The following MACROD2 variants were observed in gnomAD, a reference collection of about 807,000 sequenced individuals.
MACROD2 encodes the protein ADP-ribose glycohydrolase MACROD2.
MACROD2 carries 36 observed loss-of-function variants against 70.4 expected under a neutral mutation model. The observed-to-expected ratio is 0.51, with a 90% CI of 0.39 to 0.68. The LOEUF is 0.68. Among genes scored for constraint, MACROD2 ranks in the 30% least tolerant of loss-of-function variants. MACROD2 has a pLI of 0.00. For synonymous variants in MACROD2, 172 were observed against 178.8 expected (o/e 0.96, Z 0.30); for missense variants, 496 against 538.4 (o/e 0.92, Z 0.78).
intron 5 of MACROD2, among the ~76,000 whole-genome samples, chr20:14,969,643 A>AT (rs1331272698): frequency 1.3e-5 from 2 of 152,022 alleles, no homozygotes; most frequent in South Asian, 2.1e-4. Flanking sequence ...AGTGCCTTTG[A>AT]TTTTTTTTCC....
At chr20:15,916,501 C>T (rs914998901) in intron 10 of MACROD2, among the ~76,000 whole-genome samples, 32 of 152,198 alleles carry the variant, frequency 2.1e-4, no homozygotes, top group Non-Finnish European at 8.8e-5. Flanking sequence ...GGAGGAATCT[C>T]TATGAATTTG....
chr20:14,044,575 T>G (rs1049697698), intron 2 of MACROD2, among the ~76,000 whole-genome samples: 4 of 152,146 alleles, frequency 2.6e-5, no homozygotes, highest in African/African-American at 9.7e-5. Context: ...CTGATTGGTG[T>G]GTTTACAATC....
intron 5 of MACROD2, among the ~76,000 whole-genome samples, chr20:14,779,812 T>G (rs1248805224): frequency 6.6e-6 from 1 of 152,162 alleles, no homozygotes; most frequent in Admixed American, 6.5e-5. Context: ...ATATCTTAAA[T>G]AATTACCAGT....
intron 4 of MACROD2, among the ~76,000 whole-genome samples, chr20:14,591,649 T>C (rs75497096): frequency 0.018 from 2,771 of 152,290 alleles, 85 homozygotes; most frequent in African/African-American, 0.064. Context: ...GAAGAAAATG[T>C]ACAGCCTCAT....
At chr20:15,247,370 T>C (rs1485078101) in intron 6 of MACROD2, among the ~76,000 whole-genome samples, 1 of 152,170 alleles carries the variant, frequency 6.6e-6, no homozygotes, top group African/African-American at 2.4e-5. Context: ...AGAGTTTGCA[T>C]GAAAAGTCAT....
At chr20:14,137,535 A>G (rs561239238) in intron 3 of MACROD2, among the ~76,000 whole-genome samples, 1 of 152,352 alleles carries the variant, frequency 6.6e-6, no homozygotes, top group Admixed American at 6.5e-5. Context: ...TGGAAAAAGG[A>G]TAGTTTTTTT....
chr20:14,485,052 T>C (rs2084706420), intron 3 of MACROD2, among the ~76,000 whole-genome samples: 1 of 152,148 alleles, frequency 6.6e-6, no homozygotes, highest in Admixed American at 6.5e-5. Flanking sequence ...ATCTCTAAAC[T>C]GTTTTCCCTA....
At chr20:14,122,523 C>T (rs574530003) in intron 3 of MACROD2, among the ~76,000 whole-genome samples, 1 of 152,200 alleles carries the variant, frequency 6.6e-6, no homozygotes, top group South Asian at 2.1e-4. Context: ...ATATAAAAGA[C>T]TTGGAATTAT....
intron 1 of MACROD2, among the ~76,000 whole-genome samples, chr20:14,000,903 G>A (rs1036143644): frequency 6.6e-6 from 1 of 152,124 alleles, no homozygotes; most frequent in Non-Finnish European, 1.5e-5. Flanking sequence ...TTTCACTTCT[G>A]TGGCCATTCC....
intron 5 of MACROD2, among the ~76,000 whole-genome samples, chr20:15,035,067 TCA>T: frequency 6.6e-6 from 1 of 152,166 alleles, no homozygotes; most frequent in Non-Finnish European, 1.5e-5. Context: ...GCCCATTTTC[TCA>T]CTCTTTTACC....
chr20:15,920,100 T>C (rs1187350323), intron 10 of MACROD2, among the ~76,000 whole-genome samples: 1 of 152,162 alleles, frequency 6.6e-6, no homozygotes, highest in African/African-American at 2.4e-5. Flanking sequence ...TACCCTAAAT[T>C]GAAAATGACA....
chr20:16,039,754 T>C (rs2067283679), intron 15 of MACROD2, among the ~76,000 whole-genome samples: 1 of 151,924 alleles, frequency 6.6e-6, no homozygotes, highest in Non-Finnish European at 1.5e-5. Flanking sequence ...TATTATATAG[T>C]GTTAACAAGT....
At chr20:14,127,552 T>C in intron 3 of MACROD2, 1 of 481,012 alleles carries the variant, frequency 2.1e-6, no homozygotes, top group South Asian at 3.3e-5. Context: ...TTGCAGGCAA[T>C]TTTGAGGGAA....
At chr20:14,293,859 G>A (rs550185874) in intron 3 of MACROD2, among the ~76,000 whole-genome samples, 1 of 151,910 alleles carries the variant, frequency 6.6e-6, no homozygotes, top group East Asian at 1.9e-4. Flanking sequence ...ACTTTCCTAG[G>A]TAAAATATCT....
intron 6 of MACROD2, among the ~76,000 whole-genome samples, chr20:15,261,221 G>T (rs888576650): frequency 2.0e-5 from 3 of 151,720 alleles, no homozygotes; most frequent in African/African-American, 7.3e-5. Context: ...ATACGGTTTG[G>T]CATTGATCTT....
intron 10 of MACROD2, among the ~76,000 whole-genome samples, chr20:15,928,040 T>G (rs991712158): frequency 5.3e-5 from 8 of 152,218 alleles, no homozygotes; most frequent in African/African-American, 1.9e-4. Flanking sequence ...TCTTGAAAAG[T>G]GGCGAAACAC....
At chr20:14,369,750 A>G (rs204643) in intron 3 of MACROD2, among the ~76,000 whole-genome samples, 100,764 of 151,956 alleles carry the variant, frequency 0.66, 34,145 homozygotes, top group Non-Finnish European at 0.73. Flanking sequence ...TTATTTTAGA[A>G]TATATGTACT....
rs139102018 is a variant in MACROD2 at position 15,350,930 on chromosome 20, T to C, written c.541-80475T>C. ...ATTGAATTCCAGAAATTTATAATAA[T>C]AGCAAAACAAAAACAAAAACAAAAA... is the stretch of plus-strand genomic sequence containing the variant. On this transcript the variant is annotated intron_variant, in intron 6 of 17. Coordinates refer to ENST00000684519, the MANE Select transcript of MACROD2 (RefSeq NM_001351661.2). Among the ~76,000 whole-genome samples the C allele has an allele frequency of 1.6e-4, 24 of 152,196 alleles. No homozygotes were observed. The East Asian group carries it at 4.0e-3, about 26-fold the overall frequency.
chr20:15,022,420 G>A (rs1332203427), intron 5 of MACROD2, among the ~76,000 whole-genome samples: 1 of 152,140 alleles, frequency 6.6e-6, no homozygotes, highest in Non-Finnish European at 1.5e-5. Context: ...ATTGGTGGTA[G>A]ACTTTGATTT....
Sources: gnomAD v4.1 joint callset for allele counts (sites outside exome capture counted in the v4.1 genomes callset) on GRCh38, gnomAD v4.1.1 for gene constraint, MANE v1.5 for transcripts, NCBI Gene and HGNC (gene_info 2026-07-23, HGNC 2026-07-21) for gene names.